IFT81: variants seen among roughly 807,000 people sequenced by gnomAD.
The protein encoded by IFT81 is intraflagellar transport protein 81 homolog.
Under a neutral mutation model 102.6 loss-of-function variants are expected in IFT81, and 72 were observed. The observed-to-expected ratio is 0.70, with a 90% confidence interval of 0.58 to 0.85. The LOEUF (loss-of-function observed/expected upper bound fraction) is 0.85. IFT81 is among the 40% of genes least tolerant of loss of function. The pLI, the probability that IFT81 is intolerant of heterozygous loss-of-function variation, is 0.00. For synonymous variants in IFT81, 237 were observed against 242.7 expected, an observed-to-expected ratio of 0.98 and a Z score of 0.22; for missense variants, 723 against 787.3, an observed-to-expected ratio of 0.92 and a Z score of 0.98.
intron 12 of IFT81, among the ~76,000 whole-genome samples, chr12:110,186,168 C>T (rs767426040): frequency 5.3e-5 from 8 of 152,108 alleles, no homozygotes; most frequent in Admixed American, 6.5e-5. Flanking sequence ...TATTTTCTTT[C>T]GGCACTTTAA....
intron 7 of IFT81, among the ~76,000 whole-genome samples, chr12:110,136,490 G>A (rs941085695): frequency 6.6e-6 from 1 of 152,160 alleles, no homozygotes; most frequent in Non-Finnish European, 1.5e-5. Context: ...TGTATAACAA[G>A]AAAAATCTGG....
chr12:110,151,868 G>A (rs536110629), intron 10 of IFT81, among the ~76,000 whole-genome samples: 1 of 152,156 alleles, frequency 6.6e-6, no homozygotes, highest in East Asian at 1.9e-4. Context: ...CATGAGTTCA[G>A]CTTTTTAAGA....
intron 17 of IFT81, among the ~76,000 whole-genome samples, chr12:110,206,810 A>G (rs1868692880): frequency 6.6e-6 from 1 of 152,256 alleles, no homozygotes; most frequent in African/African-American, 2.4e-5. Flanking sequence ...ACTCTAACAT[A>G]TTAAACTAAA....
intron 4 of IFT81, among the ~76,000 whole-genome samples, chr12:110,130,813 GAT>G (rs1350377109): frequency 6.6e-6 from 1 of 151,632 alleles, no homozygotes; most frequent in Non-Finnish European, 1.5e-5. Flanking sequence ...ATGAGAAAGA[GAT>G]ATACACACAC....
intron 11 of IFT81, among the ~76,000 whole-genome samples, chr12:110,176,216 C>T (rs1211889135): frequency 1.3e-5 from 2 of 152,182 alleles, no homozygotes; most frequent in African/African-American, 4.8e-5. Flanking sequence ...AGTCACCAGC[C>T]TCCTGGTCCA....
At chr12:110,146,552 A>G (rs549009541) in intron 9 of IFT81, among the ~76,000 whole-genome samples, 2 of 152,360 alleles carry the variant, frequency 1.3e-5, no homozygotes, top group African/African-American at 4.8e-5. Context: ...GATTAAATCT[A>G]TATAAGTAAT....
intron 12 of IFT81, among the ~76,000 whole-genome samples, chr12:110,189,713 A>T (rs1214877086): frequency 6.6e-6 from 1 of 152,156 alleles, no homozygotes; most frequent in Non-Finnish European, 1.5e-5. Flanking sequence ...TATATTTCAA[A>T]TTTTTAACAT....
At chr12:110,179,715 A>G (rs1410057034) in intron 11 of IFT81, among the ~76,000 whole-genome samples, 1 of 116,482 alleles carries the variant, frequency 8.6e-6, no homozygotes, top group African/African-American at 3.0e-5. Flanking sequence ...AGCAAACCCT[A>G]TCTCGAAATT....
At chr12:110,210,831 C>T (rs753808443) in intron 18 of IFT81, among the ~76,000 whole-genome samples, 6 of 151,566 alleles carry the variant, frequency 4.0e-5, no homozygotes, top group African/African-American at 7.3e-5. Flanking sequence ...TGTTAACATC[C>T]GATACCTAGT....
chr12:110,173,479 G>C (rs1896883781), intron 11 of IFT81, among the ~76,000 whole-genome samples: 1 of 152,252 alleles, frequency 6.6e-6, no homozygotes, highest in Admixed American at 6.5e-5. Context: ...ACAGCTCATT[G>C]AGAACAGGCC....
At chr12:110,147,103 A>G in intron 10 of IFT81, 55 bp downstream of exon 10, 1 of 1,369,184 alleles carries the variant, frequency 7.3e-7, no homozygotes, top group Non-Finnish European at 1.0e-6. Context: ...TTCATGAACC[A>G]CTGGCTGTGT....
At chr12:110,203,134 C>CA (rs1898383041) in intron 14 of IFT81, among the ~76,000 whole-genome samples, 1 of 152,074 alleles carries the variant, frequency 6.6e-6, no homozygotes, top group Non-Finnish European at 1.5e-5. Flanking sequence ...GGCATGGTGG[C>CA]ACATGCCTGT....
chr12:110,186,722 G>A lies in IFT81; in HGVS notation c.1339-4198G>A, dbSNP rs117398259. On this transcript the variant is annotated intron_variant, in intron 12 of 18. Transcript: ENST00000242591. The stretch of plus-strand genomic sequence containing the variant: ...TTTTTGGTAGTTTTTTTAGACACAG[G>A]GTTTTGCCATGATGCCCAGGCTGGT... Among the ~76,000 whole-genome samples the A allele has an allele frequency of 4.9e-4, 74 of 152,120 alleles. No homozygotes were observed. In the East Asian group the frequency reaches 0.014, roughly 28 times the overall value.
chr12:110,183,807 T>G (rs1897405857), intron 12 of IFT81, among the ~76,000 whole-genome samples: 1 of 152,162 alleles, frequency 6.6e-6, no homozygotes, highest in Admixed American at 6.5e-5. Flanking sequence ...AATCTGGGGA[T>G]TCAAGGTTCT....
Position 110,180,409 on chromosome 12 carries a change from G to A in IFT81, c.1189-13G>A, listed in dbSNP as rs1390378467. The A allele has an allele frequency of 6.5e-7, 1 of 1,542,104 alleles. No individual in the cohort carries two copies. Among genetic ancestry groups the A allele is most frequent in the East Asian group, 2.3e-5 (1 of 44,094 alleles). On this transcript the variant is annotated splice_polypyrimidine_tract_variant and intron_variant, in intron 11 of 18. Coordinates refer to ENST00000242591, the MANE Select transcript of IFT81 (RefSeq NM_014055.4). ...TTCTACTCATTAGATTACATATTGT[G>A]TTTTTTTTACAGTTCAAACGATATG...
chr12:110,175,108 A>G (rs554108199), intron 11 of IFT81, among the ~76,000 whole-genome samples: 2 of 152,302 alleles, frequency 1.3e-5, no homozygotes, highest in South Asian at 2.1e-4. Flanking sequence ...TTCCCTGCCC[A>G]GTAGCAAGCT....
chr12:110,174,202 C>T (rs1219945455), intron 11 of IFT81, among the ~76,000 whole-genome samples: 8 of 146,234 alleles, frequency 5.5e-5, no homozygotes, highest in African/African-American at 1.8e-4. Flanking sequence ...GGCGTGAACC[C>T]GGGAGGCGGG....
chr12:110,217,132 C>T (rs1397895391), intron 18 of IFT81, among the ~76,000 whole-genome samples: 1 of 152,124 alleles, frequency 6.6e-6, no homozygotes, highest in African/African-American at 2.4e-5. Flanking sequence ...GCAACCTCCA[C>T]CTCCCAGATT....
chr12:110,140,270 C>T (rs1430145874), intron 8 of IFT81, among the ~76,000 whole-genome samples: 1 of 152,152 alleles, frequency 6.6e-6, no homozygotes, highest in Non-Finnish European at 1.5e-5. Context: ...CTTCCCCTTT[C>T]CTCCCATGCC....
Sources: gnomAD v4.1 joint callset for allele counts (sites outside exome capture counted in the v4.1 genomes callset) on GRCh38, gnomAD v4.1.1 for gene constraint, MANE v1.5 for transcripts, NCBI Gene and HGNC (gene_info 2026-07-23, HGNC 2026-07-21) for gene names.